Variants in NCOA1 observed in about 807,000 individuals in gnomAD.
The protein encoded by NCOA1 is Hin-2 protein.
Under a neutral mutation model 150.9 loss-of-function variants are expected in NCOA1, and 35 were observed. The ratio of observed to expected loss-of-function variants is 0.23; its 90% CI spans 0.18 to 0.31. NCOA1 has a LOEUF of 0.31. Ranked by LOEUF, NCOA1 falls within the 10% of genes least tolerant of loss-of-function variation. The pLI is 1.00. For missense variants in NCOA1, 1,491 were observed against 1,749.3 expected, an observed-to-expected ratio of 0.85 and a Z score of 2.63; for synonymous variants, 590 against 630.0, an observed-to-expected ratio of 0.94 and a Z score of 0.95.
At chr2:24,540,009 C>G (rs1665323164) in intron 1 of NCOA1, among the ~76,000 whole-genome samples, 2 of 152,124 alleles carry the variant, frequency 1.3e-5, no homozygotes, top group Admixed American at 1.3e-4. Flanking sequence ...ATATTCATGT[C>G]TAGAAGACGA....
intron 21 of NCOA1, 26 bp from the exon 22 acceptor site, chr2:24,762,661 T>C (rs1241848109): frequency 5.0e-6 from 8 of 1,596,020 alleles, no homozygotes; most frequent in Non-Finnish European, 6.9e-6. Context: ...TAGCTTGTAA[T>C]TTGATCTTGT....
At chr2:24,618,437 T>C (rs372106258) in intron 3 of NCOA1, among the ~76,000 whole-genome samples, 4 of 152,220 alleles carry the variant, frequency 2.6e-5, no homozygotes, top group Non-Finnish European at 5.9e-5. Flanking sequence ...AAATTGTGAA[T>C]GTTATTCCTT....
chr2:24,543,281 A>G (rs557903567), intron 1 of NCOA1, among the ~76,000 whole-genome samples: 1 of 152,248 alleles, frequency 6.6e-6, no homozygotes, highest in East Asian at 1.9e-4. Context: ...CTTTTATAAC[A>G]ACCTGCTTTT....
At chr2:24,587,356 C>A (rs1667457423) in intron 3 of NCOA1, among the ~76,000 whole-genome samples, 1 of 152,144 alleles carries the variant, frequency 6.6e-6, no homozygotes, top group South Asian at 2.1e-4. Context: ...CTCCAACGCA[C>A]CTGACATTGT....
chr2:24,754,831 A>G (rs1343315001), intron 20 of NCOA1, among the ~76,000 whole-genome samples: 1 of 152,216 alleles, frequency 6.6e-6, no homozygotes, highest in East Asian at 1.9e-4. Flanking sequence ...CTATCAAACA[A>G]ATGAGTACAA....
Position 24,707,284 on chromosome 2 carries a change from G to A in NCOA1, c.1814G>A (p.Gly605Asp), listed in dbSNP as rs531924652. ...CAATCTGACAACAGCTCTAGTGATG[G>A]CAAACCTCTGGATTCAGGGCTTCTG... ...MIQSDNSSSD[G>D]KPLDSGLLHN... The change falls in exon 13 of 23, where the codon GGC (glycine) becomes GAC (aspartate). Residue 605 changes from glycine to aspartate, a missense_variant. Around this residue, in one of 8 missense-constraint regions of NCOA1, gnomAD observed 703 missense variants for 717.7 expected, o/e 0.98. Coordinates refer to ENST00000348332, the MANE Select transcript of NCOA1 (RefSeq NM_003743.5). The A allele has an allele frequency of 3.1e-6, 5 of 1,614,170 alleles. No homozygotes were observed. The Admixed American group carries it at 6.7e-5, about 22-fold the overall frequency.
At chr2:24,627,130 T>G (rs1249497562) in intron 3 of NCOA1, among the ~76,000 whole-genome samples, 2 of 149,290 alleles carry the variant, frequency 1.3e-5, no homozygotes, top group Admixed American at 6.6e-5. Context: ...TGTTTTTTTT[T>G]TTTTTTTTTT....
At position 24,705,046 on chromosome 2, in the gene NCOA1, TATC is replaced by T. The variant is rs768460664; in HGVS notation, c.950-38_950-36del. Reference sequence around the variant, plus strand: ...TGGTGACTTAAAGCCAGCGTATAAGTATCAGAATTTTAACTAGGTTTCTCTTCT... The same window carrying T: ...TGGTGACTTAAAGCCAGCGTATAAGTAGAATTTTAACTAGGTTTCTCTTCT... On this transcript the variant is annotated intron_variant, in intron 11 of 22. Coordinates refer to ENST00000348332, the MANE Select transcript of NCOA1 (RefSeq NM_003743.5). 3 of 1,597,494 alleles carry T rather than the reference TATC, an allele frequency of 1.9e-6. No homozygotes were observed. In the African/African-American group the frequency reaches 4.0e-5, roughly 22 times the overall value.
intron 20 of NCOA1, 95 bp downstream of exon 20, chr2:24,752,251 T>C (rs1163282193): frequency 3.6e-6 from 5 of 1,389,338 alleles, no homozygotes; most frequent in Non-Finnish European, 3.9e-6. Context: ...AGGAACATTA[T>C]GTAAAGTGAA....
Position 24,658,694 on chromosome 2 carries a change from A to G in NCOA1, c.17A>G (p.Asp6Gly), listed in dbSNP as rs2148491916. Residue 6 changes from aspartate to glycine, a missense_variant, in exon 5 of 23, where the codon GAC becomes GGC. Physicochemically the swap from Asp to Gly is moderately conservative, Grantham distance 94. This residue lies in a region of NCOA1 where 40 missense variants were observed against 39.6 expected (regional missense o/e 1.01). Coordinates refer to ENST00000348332, the MANE Select transcript of NCOA1 (RefSeq NM_003743.5). Reference protein sequence around the residue: MSGLGDSSSDPANPDS... With the variant: MSGLGGSSSDPANPDS... ...TTTTTCAACATGAGTGGCCTCGGGG[A>G]CAGTTCATCCGACCCTGCTAACCCA... 6.2e-7 allele frequency: 1 copy of G among 1,613,946 alleles called. No homozygotes were observed. Among genetic ancestry groups the G allele is most frequent in the Non-Finnish European group, 8.5e-7 (1 of 1,179,940 alleles).
At chr2:24,751,353 C>T (rs555569884) in intron 19 of NCOA1, among the ~76,000 whole-genome samples, 6 of 150,376 alleles carry the variant, frequency 4.0e-5, no homozygotes, top group Admixed American at 6.6e-5. Context: ...GAGGCCAAGG[C>T]GGGTGGATCA....
chr2:24,667,267 C>T (rs926993869), intron 6 of NCOA1, among the ~76,000 whole-genome samples: 1 of 152,140 alleles, frequency 6.6e-6, no homozygotes, highest in Non-Finnish European at 1.5e-5. Flanking sequence ...GAAACACTAA[C>T]AGCCTGGCTC....
chr2:24,572,691 A>G (rs1422700806), intron 2 of NCOA1, among the ~76,000 whole-genome samples: 1 of 152,154 alleles, frequency 6.6e-6, no homozygotes, highest in East Asian at 1.9e-4. Context: ...GCTATTTTAC[A>G]TAGGAGTGTA....
At chr2:24,570,354 G>T (rs1666695846) in intron 2 of NCOA1, among the ~76,000 whole-genome samples, 1 of 152,092 alleles carries the variant, frequency 6.6e-6, no homozygotes, top group Non-Finnish European at 1.5e-5. Context: ...AATTGAATGG[G>T]CTCTGGTTGG....
rs2148595280 is a variant in NCOA1 at position 24,707,241 on chromosome 2, A to G, written c.1771A>G (p.Ile591Val). The G allele has an allele frequency of 6.2e-7, 1 of 1,614,228 alleles. No individual in the cohort carries two copies. Among genetic ancestry groups the G allele is most frequent in the South Asian group, 1.1e-5 (1 of 91,090 alleles). ...CAAAGATAACAAAGAGATTGCCTCA[A>G]TTTTAAATGAAATGATTCAATCTGA... ...ESKDNKEIAS[I>V]LNEMIQSDNS... Residue 591 changes from isoleucine (I) to valine (V), a missense_variant, in exon 13 of 23, where the codon ATT (isoleucine) becomes GTT (valine). Physicochemically the swap from Ile to Val is conservative, Grantham distance 29. This residue lies in a region of NCOA1 where 703 missense variants were observed against 717.7 expected (regional missense o/e 0.98). Coordinates refer to ENST00000348332, the MANE Select transcript of NCOA1 (RefSeq NM_003743.5).
At position 24,739,347 on chromosome 2, in the gene NCOA1, A is replaced by G. The variant is rs758279173; in HGVS notation, c.3202-85A>G. On this transcript the variant is annotated intron_variant, in intron 17 of 22. Transcript: ENST00000348332. ...CCTGCAACACTAAAACTTTTTAGTAATCAATAGAAAGTTTGTGTTACTTTA... is the reference window on the plus strand; with the variant it reads ...CCTGCAACACTAAAACTTTTTAGTAGTCAATAGAAAGTTTGTGTTACTTTA... 13 of 975,620 alleles carry G rather than the reference A, an allele frequency of 1.3e-5. No homozygotes were observed. The Admixed American group carries it at 1.4e-4, about 10-fold the overall frequency. 60.4% of individuals were successfully genotyped at this position (975,620 alleles called of 1,614,324 possible).
chr2:24,765,026 A>C (rs1294131983), intron 22 of NCOA1, among the ~76,000 whole-genome samples: 3 of 152,116 alleles, frequency 2.0e-5, no homozygotes, highest in Non-Finnish European at 4.4e-5. Context: ...AAAATACAAA[A>C]ATTAGCCAGG....
At chr2:24,634,828 C>T (rs1320569055) in intron 3 of NCOA1, among the ~76,000 whole-genome samples, 1 of 151,412 alleles carries the variant, frequency 6.6e-6, no homozygotes, top group East Asian at 2.0e-4. Flanking sequence ...CCTCCCGTTT[C>T]AGCCCCCCAA....
intron 3 of NCOA1, among the ~76,000 whole-genome samples, chr2:24,592,578 ATTTTTTT>A (rs145333073): frequency 4.5e-3 from 461 of 103,466 alleles, no homozygotes; most frequent in African/African-American, 8.5e-3. Flanking sequence ...TCCCCTCCTA[ATTTTTTT>A]TTTTTTTTTT....
Sources: gnomAD v4.1 joint callset for allele counts (sites outside exome capture counted in the v4.1 genomes callset) on GRCh38, gnomAD v4.1.1 for gene constraint, gnomAD v4.1.1 regional missense constraint, MANE v1.5 for transcripts, NCBI Gene and HGNC (gene_info 2026-07-23, HGNC 2026-07-21) for gene names.